Variants in CACNG4 observed in about 807,000 individuals in gnomAD.
CACNG4 encodes calcium voltage-gated channel auxiliary subunit gamma 4, also known as voltage-dependent calcium channel gamma-4 subunit.
CACNG4 carries 8 observed loss-of-function variants against 22.9 expected under a neutral mutation model. The ratio of observed to expected loss-of-function variants is 0.35; its 90% CI spans 0.21 to 0.63. The LOEUF (loss-of-function observed/expected upper bound fraction) is 0.63. Among genes scored for constraint, CACNG4 ranks in the 30% least tolerant of loss-of-function variants. The probability of loss-of-function intolerance (pLI) is 0.72; values close to 1 mark genes in which losing one functional copy is unlikely to be tolerated. For missense variants in CACNG4, 357 were observed against 455.4 expected (o/e 0.78, Z 1.97); for synonymous variants, 188 against 191.9 (o/e 0.98, Z 0.17).
Position 67,031,974 on chromosome 17 carries a change from G to C in CACNG4, c.*970G>C, listed in dbSNP as rs2035610489. On this transcript the variant is annotated 3_prime_UTR_variant, in exon 4 of 4. Coordinates refer to ENST00000262138, the MANE Select transcript of CACNG4 (RefSeq NM_014405.4). This position sits in a 1 kb window ranked among gnomAD's most constrained non-coding sequence, Gnocchi z 4.0. ...AAGGGAGACCTAAGGGTGAACAGTG[G>C]CCAATAAAAACCCTAGAGAACAAAC... is the stretch of plus-strand genomic sequence containing the variant. 4.4e-6 allele frequency: 2 copies of C among 456,548 alleles called. No individual in the cohort carries two copies. Among genetic ancestry groups the C allele is most frequent in the South Asian group, 3.1e-5 (2 of 64,570 alleles). 28.3% of individuals were successfully genotyped at this position (456,548 alleles called of 1,614,324 possible). A position where few individuals can be genotyped will look rare whatever the true frequency, so the allele number is the denominator to read the frequency against.
At chr17:67,007,300 G>A (rs534232357) in intron 1 of CACNG4, among the ~76,000 whole-genome samples, 29 of 152,254 alleles carry the variant, frequency 1.9e-4, no homozygotes, top group African/African-American at 6.0e-4. Flanking sequence ...AGTGATAGTC[G>A]TCCTCATTTG....
At chr17:67,002,650 C>CTCTCTCT (rs1555578537) in intron 1 of CACNG4, among the ~76,000 whole-genome samples, 1 of 151,500 alleles carries the variant, frequency 6.6e-6, no homozygotes, top group South Asian at 2.1e-4. Context: ...CTCTCTCCAT[C>CTCTCTCT]CTCAAATAGA....
chr17:66,980,331 A>G (rs2143288635), intron 1 of CACNG4, among the ~76,000 whole-genome samples: 1 of 152,344 alleles, frequency 6.6e-6, no homozygotes, highest in East Asian at 1.9e-4. Context: ...CTATGCTTTT[A>G]CAAACCTTTA....
intron 2 of CACNG4, among the ~76,000 whole-genome samples, chr17:67,021,200 T>TAA (rs35981016): frequency 3.5e-5 from 5 of 142,072 alleles, no homozygotes; most frequent in Admixed American, 1.4e-4. Flanking sequence ...GACCCCATCT[T>TAA]AAAAAAAAAA....
At chr17:66,969,761 G>T (rs1355920062) in intron 1 of CACNG4, among the ~76,000 whole-genome samples, 1 of 152,134 alleles carries the variant, frequency 6.6e-6, no homozygotes, top group East Asian at 1.9e-4. Flanking sequence ...TTCCTGGTGG[G>T]TCAGCTACAT....
rs145331600 is a variant in CACNG4 at position 66,992,433 on chromosome 17, C to T, written c.221-25756C>T. 2.0e-3 allele frequency among the ~76,000 whole-genome samples: 302 copies of T among 152,332 alleles called. 2 individuals are homozygous for T. In the Middle Eastern group the frequency reaches 0.024, roughly 12 times the overall value. Reference sequence around the variant, plus strand: ...TCAACCTAGCACTGGTTCTCCCAGGCGCAGGGGATCCATCAAATAAGAAAG... The same window carrying T: ...TCAACCTAGCACTGGTTCTCCCAGGTGCAGGGGATCCATCAAATAAGAAAG... On this transcript the variant is annotated intron_variant, in intron 1 of 3. Coordinates refer to ENST00000262138, the MANE Select transcript of CACNG4 (RefSeq NM_014405.4).
chr17:67,027,405 A>G lies in CACNG4; in HGVS notation c.445+2405A>G, dbSNP rs2035574812. On this transcript the variant is annotated intron_variant, in intron 3 of 3. Transcript: ENST00000262138. This position sits in a 1 kb window ranked among gnomAD's most constrained non-coding sequence, Gnocchi z 4.3. ...GCAATGGGGAGGCCAGCAAGGGGAC[A>G]TTGGCTTATTCCCTGGCGCATGGGG... 6.6e-6 allele frequency among the ~76,000 whole-genome samples: 1 copy of G among 152,214 alleles called. No individual in the cohort carries two copies. Among genetic ancestry groups the G allele is most frequent in the African/African-American group, 2.4e-5 (1 of 41,464 alleles).
At chr17:67,026,676 G>GGT (rs558270163) in intron 3 of CACNG4, among the ~76,000 whole-genome samples, 4 of 150,368 alleles carry the variant, frequency 2.7e-5, no homozygotes, top group East Asian at 3.9e-4. Context: ...TGAGGACTGT[G>GGT]GTGTGTGTGT....
chr17:66,998,011 G>A (rs2035385710), intron 1 of CACNG4, among the ~76,000 whole-genome samples: 1 of 152,162 alleles, frequency 6.6e-6, no homozygotes, highest in Admixed American at 6.5e-5. Flanking sequence ...AAGGCCACAG[G>A]AACCAGGAAA....
chr17:67,031,243 G>T lies in CACNG4; in HGVS notation c.*239G>T. The T allele has an allele frequency of 1.5e-6, 1 of 651,678 alleles. No individual in the cohort carries two copies. Among genetic ancestry groups the T allele is most frequent in the East Asian group, 2.9e-5 (1 of 34,240 alleles). The allele number at this position is 651,678 out of a possible 1,614,324, so 40.4% of individuals were successfully genotyped here. A position where few individuals can be genotyped will look rare whatever the true frequency, so the allele number is the denominator to read the frequency against. The stretch of plus-strand genomic sequence containing the variant: ...CCTCCCCGAAAAAGGGTGTTTTGAT[G>T]CCTCAGGGTCTCTGAAATCTCCCGG... On this transcript the variant is annotated 3_prime_UTR_variant, in exon 4 of 4. Coordinates refer to ENST00000262138, the MANE Select transcript of CACNG4 (RefSeq NM_014405.4). This position sits in a 1 kb window ranked among gnomAD's most constrained non-coding sequence, Gnocchi z 4.0.
chr17:67,014,956 A>G (rs7502089), intron 1 of CACNG4, among the ~76,000 whole-genome samples: 6,138 of 150,412 alleles, frequency 0.041, 301 homozygotes, highest in East Asian at 0.22. Flanking sequence ...AAAAAAAAAA[A>G]AAAGAAAGAA....
chr17:67,028,098 A>G (rs1374071191), intron 3 of CACNG4, among the ~76,000 whole-genome samples: 1 of 152,242 alleles, frequency 6.6e-6, no homozygotes, highest in Non-Finnish European at 1.5e-5. Context: ...AGAACACAAC[A>G]GAAGAGACAA....
rs1296775828 is a variant in CACNG4 at position 67,030,833 on chromosome 17, G to T, written c.813G>T (p.Met271Ile). 1.9e-6 allele frequency: 3 copies of T among 1,613,720 alleles called. No homozygotes were observed. The South Asian group carries it at 3.3e-5, about 18-fold the overall frequency. Residue 271 changes from methionine (M) to isoleucine (I), a missense_variant, in exon 4 of 4, where the codon ATG becomes ATT. Transcript: ENST00000262138. This position sits in a 1 kb window ranked among gnomAD's most constrained non-coding sequence, Gnocchi z 6.4. ...TGAAGATCACAGGGGCCATCCCCAT[G>T]GGGGAGCTGTCCATGTACACGCTGT... ...MGLKITGAIP[M>I]GELSMYTLSR...
At chr17:66,995,574 G>A (rs1189210236) in intron 1 of CACNG4, among the ~76,000 whole-genome samples, 3 of 152,294 alleles carry the variant, frequency 2.0e-5, no homozygotes, top group Non-Finnish European at 2.9e-5. Flanking sequence ...GATCTAGGCC[G>A]GGCGCAGGGG....
rs536494354 is a variant in CACNG4 at position 67,013,139 on chromosome 17, G to A, written c.221-5050G>A. Among the ~76,000 whole-genome samples, 5 of 152,186 alleles carry A rather than the reference G, an allele frequency of 3.3e-5. No individual in the cohort carries two copies. The East Asian group carries it at 9.7e-4, about 30-fold the overall frequency. ...CCCTGGAACCCATCGGGTCCTGGGGGTTGGCCATTCAACTGTACTTGGGGA... is the reference window on the plus strand; with the variant it reads ...CCCTGGAACCCATCGGGTCCTGGGGATTGGCCATTCAACTGTACTTGGGGA... On this transcript the variant is annotated intron_variant, in intron 1 of 3. Coordinates refer to ENST00000262138, the MANE Select transcript of CACNG4 (RefSeq NM_014405.4).
chr17:67,031,178 G>T lies in CACNG4; in HGVS notation c.*174G>T. On this transcript the variant is annotated 3_prime_UTR_variant, in exon 4 of 4. Coordinates refer to ENST00000262138, the MANE Select transcript of CACNG4 (RefSeq NM_014405.4). The surrounding 1 kb of genome is among the most constrained non-coding windows in gnomAD (Gnocchi z 4.0). ...GCACGAAGGTTGTGCTGGGAGACCG[G>T]ACCCGGGGCTGCAGAAGAAGCTGAA... 1.5e-6 allele frequency: 1 copy of T among 687,352 alleles called. No homozygotes were observed. The highest frequency in any genetic ancestry group is 2.5e-6 in the Non-Finnish European group (1 of 406,162). The allele number at this position is 687,352 out of a possible 1,614,324, so 42.6% of individuals were successfully genotyped here. A position where few individuals can be genotyped will look rare whatever the true frequency, so the allele number is the denominator to read the frequency against.
chr17:66,966,846 T>C (rs2143265018), intron 1 of CACNG4, among the ~76,000 whole-genome samples: 2 of 152,320 alleles, frequency 1.3e-5, no homozygotes, highest in South Asian at 2.1e-4. Context: ...ACATCATTTT[T>C]AGTGTGCAAT....
At chr17:66,990,081 C>G (rs990444561) in intron 1 of CACNG4, among the ~76,000 whole-genome samples, 1 of 152,214 alleles carries the variant, frequency 6.6e-6, no homozygotes, top group African/African-American at 2.4e-5. Context: ...TCTGGACACA[C>G]TTAGCCGCAT....
chr17:66,968,047 C>T (rs1402449184), intron 1 of CACNG4, among the ~76,000 whole-genome samples: 2 of 152,196 alleles, frequency 1.3e-5, no homozygotes, highest in Non-Finnish European at 2.9e-5. Context: ...CACATTACCG[C>T]GTGGCCTGCC....
Sources: gnomAD v4.1 joint callset for allele counts (sites outside exome capture counted in the v4.1 genomes callset) on GRCh38, gnomAD v4.1.1 for gene constraint, Gnocchi (gnomAD v3.1) non-coding constraint, MANE v1.5 for transcripts, NCBI Gene and HGNC (gene_info 2026-07-23, HGNC 2026-07-21) for gene names.